PLPPR1: variants seen among roughly 807,000 people sequenced by gnomAD.
The protein encoded by PLPPR1 is phospholipid phosphatase-related protein type 1.
In PLPPR1, 10 loss-of-function variants were observed where a neutral mutation model predicts 33.1. The ratio of observed to expected loss-of-function variants is 0.30; its 90% confidence interval spans 0.19 to 0.51. The LOEUF is 0.51. Among genes scored for constraint, PLPPR1 ranks in the 20% least tolerant of loss-of-function variants. The pLI, the probability that PLPPR1 is intolerant of heterozygous loss-of-function variation, is 0.97. For missense variants in PLPPR1, 304 were observed against 408.1 expected, an observed-to-expected ratio of 0.74 and a Z score of 2.20; for synonymous variants, 151 against 151.0, an observed-to-expected ratio of 1.00 and a Z score of 0.00.
chr9:101,120,844 A>G (rs1230255182), intron 1 of PLPPR1, among the ~76,000 whole-genome samples: 1 of 152,228 alleles, frequency 6.6e-6, no homozygotes, highest in Non-Finnish European at 1.5e-5. Flanking sequence ...TCCTATTACC[A>G]TAATCACATC....
intron 3 of PLPPR1, among the ~76,000 whole-genome samples, chr9:101,280,300 C>A (rs373883160): frequency 1.4e-4 from 21 of 152,140 alleles, no homozygotes; most frequent in African/African-American, 4.8e-4. Context: ...TAGTAAAAAG[C>A]TTCTCAGCAA....
chr9:101,291,051 C>T (rs145851979), intron 4 of PLPPR1, among the ~76,000 whole-genome samples: 6 of 152,002 alleles, frequency 3.9e-5, no homozygotes, highest in South Asian at 2.1e-4. Flanking sequence ...GGGTGAAAGA[C>T]GGCACCTGGA....
chr9:101,269,814 C>T (rs1828061219), intron 2 of PLPPR1, 66 bp from the exon 3 acceptor site: 1 of 1,494,222 alleles, frequency 6.7e-7, no homozygotes, highest in South Asian at 1.1e-5. Context: ...AGGGAGTGTG[C>T]TCTGAGGGGC....
chr9:101,320,793 T>C (rs1829137501), intron 7 of PLPPR1, among the ~76,000 whole-genome samples: 1 of 152,230 alleles, frequency 6.6e-6, no homozygotes. Context: ...GGTTTTATTA[T>C]ATCCTATTTT....
chr9:101,309,102 G>A (rs1194236675), intron 4 of PLPPR1, 109 bp from the exon 5 acceptor site: 1 of 1,126,274 alleles, frequency 8.9e-7, no homozygotes, highest in South Asian at 1.4e-5. Context: ...GGAGTACTTA[G>A]AATCATTTTG....
At chr9:101,096,365 G>C (rs1830817730) in intron 1 of PLPPR1, among the ~76,000 whole-genome samples, 1 of 152,132 alleles carries the variant, frequency 6.6e-6, no homozygotes, top group Admixed American at 6.5e-5. Flanking sequence ...TGCACACCTG[G>C]TACACGATAC....
At chr9:101,170,403 A>G (rs1370604199) in intron 1 of PLPPR1, among the ~76,000 whole-genome samples, 1 of 152,106 alleles carries the variant, frequency 6.6e-6, no homozygotes, top group African/African-American at 2.4e-5. Flanking sequence ...GGCAAGAGAG[A>G]ACTTGTTCAG....
At chr9:101,061,772 T>C (rs148231577) in intron 1 of PLPPR1, among the ~76,000 whole-genome samples, 2 of 152,130 alleles carry the variant, frequency 1.3e-5, no homozygotes, top group African/African-American at 4.8e-5. Flanking sequence ...ACATAGCAGA[T>C]ACAGGTTAAT....
chr9:101,173,446 TA>T (rs1025723032), intron 1 of PLPPR1, among the ~76,000 whole-genome samples: 5 of 152,164 alleles, frequency 3.3e-5, no homozygotes, highest in Non-Finnish European at 7.4e-5. Context: ...CAATTGGCCC[TA>T]TAGTACCTAA....
chr9:101,193,450 T>A (rs1826338152), intron 2 of PLPPR1, among the ~76,000 whole-genome samples: 1 of 152,176 alleles, frequency 6.6e-6, no homozygotes, highest in African/African-American at 2.4e-5. Flanking sequence ...ATCTATAAAA[T>A]GGTAATGATA....
intron 1 of PLPPR1, among the ~76,000 whole-genome samples, chr9:101,030,120 A>G (rs1829926606): frequency 6.6e-6 from 1 of 151,962 alleles, no homozygotes; most frequent in Non-Finnish European, 1.5e-5. Flanking sequence ...AGGATTTCCT[A>G]AAATCCTTTC....
At chr9:101,281,125 A>G (rs994323439) in intron 3 of PLPPR1, among the ~76,000 whole-genome samples, 1 of 152,172 alleles carries the variant, frequency 6.6e-6, no homozygotes, top group African/African-American at 2.4e-5. Context: ...TCTATATGCC[A>G]ACAATGAACA....
rs183122583 is a variant in PLPPR1, at chr9:101,291,052, G to A, written c.385+4816G>A. On this transcript the variant is annotated intron_variant, in intron 4 of 7. Coordinates refer to ENST00000374874, the MANE Select transcript of PLPPR1 (RefSeq NM_207299.2). ...CTAGTCAAAGAAAGGGGTGAAAGAC[G>A]GCACCTGGAAAATCGGGTCACTCCC... Among the ~76,000 whole-genome samples, 48 of 152,306 alleles carry A rather than the reference G, an allele frequency of 3.2e-4. No homozygotes were observed. The East Asian group carries it at 6.4e-3, about 20-fold the overall frequency.
chr9:101,227,788 G>GT (rs1251373602), intron 2 of PLPPR1, among the ~76,000 whole-genome samples: 4 of 151,936 alleles, frequency 2.6e-5, no homozygotes, highest in Non-Finnish European at 5.9e-5. Flanking sequence ...TGTGTTTTTT[G>GT]TTTTTTGTGA....
intron 1 of PLPPR1, among the ~76,000 whole-genome samples, chr9:101,086,475 G>C (rs527744425): frequency 1.6e-4 from 25 of 152,284 alleles, no homozygotes; most frequent in African/African-American, 6.0e-4. Flanking sequence ...CCCATGAAGG[G>C]TGTGTCCCAT....
intron 1 of PLPPR1, among the ~76,000 whole-genome samples, chr9:101,156,409 G>C (rs1406911500): frequency 4.0e-5 from 6 of 151,854 alleles, no homozygotes; most frequent in Non-Finnish European, 7.4e-5. Flanking sequence ...AATCAACCAG[G>C]TATGGTGGTG....
intron 1 of PLPPR1, among the ~76,000 whole-genome samples, chr9:101,149,372 A>G (rs528729875): frequency 6.6e-6 from 1 of 152,306 alleles, no homozygotes; most frequent in Admixed American, 6.5e-5. Context: ...TTACCATGTT[A>G]AACACTTCTG....
intron 1 of PLPPR1, among the ~76,000 whole-genome samples, chr9:101,079,656 T>A (rs1830593991): frequency 6.6e-6 from 1 of 152,010 alleles, no homozygotes; most frequent in Admixed American, 6.6e-5. Context: ...CTTGGCTCAC[T>A]GCAACCTCTG....
rs550637931 is a variant in PLPPR1 at position 101,296,816 on chromosome 9, G to A, written c.385+10580G>A. Reference sequence around the variant, plus strand: ...TGTTGTGGGGTGGGTGGAGCGGGGAGGGATAGCATTAGGAGATATACCTAA... The same window carrying A: ...TGTTGTGGGGTGGGTGGAGCGGGGAAGGATAGCATTAGGAGATATACCTAA... On this transcript the variant is annotated intron_variant, in intron 4 of 7. Transcript: ENST00000374874. Among the ~76,000 whole-genome samples the A allele has an allele frequency of 3.1e-4, 47 of 151,290 alleles. 1 individual carries two copies. The East Asian group carries it at 8.7e-3, about 28-fold the overall frequency.
Sources: allele counts gnomAD v4.1 joint callset (sites outside exome capture counted in the v4.1 genomes callset), GRCh38; gene constraint gnomAD v4.1.1; transcripts MANE v1.5; gene names NCBI Gene and HGNC (gene_info 2026-07-23, HGNC 2026-07-21).